Variants in COL22A1 observed in about 807,000 individuals in gnomAD.
The protein encoded by COL22A1 is collagen type XXII alpha 1 chain, also known as collagen alpha-1(XXII) chain.
COL22A1 carries 221 observed loss-of-function variants against 248.9 expected under a neutral mutation model. The observed-to-expected ratio is 0.89, with a 90% confidence interval of 0.80 to 0.99. COL22A1 has a LOEUF of 0.99. COL22A1 is among the 50% of genes least tolerant of loss of function. The pLI, the probability that COL22A1 is intolerant of heterozygous loss-of-function variation, is 0.00. For synonymous variants in COL22A1, 891 were observed against 793.4 expected (o/e 1.12, Z -2.07); for missense variants, 2,240 against 2,179.0 (o/e 1.03, Z -0.56).
chr8:138,682,644 G>A (rs1382646747), intron 39 of COL22A1, among the ~76,000 whole-genome samples: 1 of 152,064 alleles, frequency 6.6e-6, no homozygotes, highest in Admixed American at 6.5e-5. Context: ...CCCTGCCAAT[G>A]ACTCCTTCTT....
In COL22A1 at chr8:138,649,775, C is replaced by T. The variant is rs545820703; in HGVS notation, c.3337G>A (p.Val1113Met). Residue 1113 changes from valine (V) to methionine (M), a missense_variant, in exon 46 of 65, where the codon GTG becomes ATG. Val to Met is a conservative substitution (Grantham distance 21, BLOSUM62 1). Transcript: ENST00000303045. ...GGGCCAGGAGGGCAGTCATTGCACA[C>T]ATCCTGAGAGTGGGGAGAGAGGTGG... ...PGDINLLAKD[V>M]CNDCPPGPPG... The T allele has an allele frequency of 3.8e-6, 6 of 1,575,376 alleles. No homozygotes were observed. The South Asian group carries it at 5.8e-5, about 15-fold the overall frequency.
intron 12 of COL22A1, among the ~76,000 whole-genome samples, chr8:138,781,340 C>A (rs1051098803): frequency 1.3e-5 from 2 of 152,044 alleles, no homozygotes; most frequent in Admixed American, 6.6e-5. Context: ...TGGGCTGCAG[C>A]GGGGCTCTCA....
At chr8:138,778,247 A>C in intron 15 of COL22A1, 106 bp downstream of exon 15, 1 of 1,263,938 alleles carries the variant, frequency 7.9e-7, no homozygotes, top group Non-Finnish European at 1.2e-6. Context: ...TCAGTAAGGC[A>C]AAACAGCATT....
chr8:138,677,365 C>G (rs1391314500), intron 40 of COL22A1, among the ~76,000 whole-genome samples: 1 of 152,212 alleles, frequency 6.6e-6, no homozygotes, highest in Non-Finnish European at 1.5e-5. Flanking sequence ...CAGCACAGCA[C>G]TGAACCTGAG....
rs140057024 is a variant in COL22A1, at chr8:138,780,956, G to T, written c.1621C>A (p.Pro541Thr). The T allele has an allele frequency of 5.8e-5, 94 of 1,611,900 alleles. No individual in the cohort carries two copies. The African/African-American group carries it at 9.6e-4, about 16-fold the overall frequency. Residue 541 changes from proline (P) to threonine (T), a missense_variant, in exon 13 of 65, where the codon CCT becomes ACT. Transcript: ENST00000303045. ...EKGSLGLPGP[P>T]GRDGSKGMRG... is the part of the protein sequence containing the mutation. ...ATGCCTTTGCTGCCGTCTCTCCCAG[G>T]GGGGCCGGGCAGGCCCAGGGAACCC...
rs759310495 is a variant in COL22A1 at position 138,755,217 on chromosome 8, A to T, written c.1978-7T>A. On this transcript the variant is annotated splice_polypyrimidine_tract_variant and splice_region_variant and intron_variant, in intron 20 of 64. Coordinates refer to ENST00000303045, the MANE Select transcript of COL22A1 (RefSeq NM_152888.3). ...CTCTGGGTCCTGGAGCTCCCTGGTA[A>T]CACAAGCCAAACAGATGTTTAGTCA... The T allele has an allele frequency of 1.2e-6, 2 of 1,613,782 alleles. No homozygotes were observed. Among genetic ancestry groups the T allele is most frequent in the African/African-American group, 2.7e-5 (2 of 74,902 alleles).
intron 16 of COL22A1, among the ~76,000 whole-genome samples, chr8:138,770,402 G>C (rs34184816): frequency 0.011 from 1,660 of 152,318 alleles, 13 homozygotes; most frequent in Non-Finnish European, 0.017. Flanking sequence ...CATGCCTCCA[G>C]AGCCTTCAGT....
At chr8:138,873,559 A>G (rs2132022717) in intron 3 of COL22A1, among the ~76,000 whole-genome samples, 1 of 152,322 alleles carries the variant, frequency 6.6e-6, no homozygotes, top group East Asian at 1.9e-4. Context: ...GTGTGTGAAG[A>G]CATACACTAG....
intron 3 of COL22A1, among the ~76,000 whole-genome samples, chr8:138,856,163 C>T (rs73368826): frequency 0.017 from 2,629 of 152,312 alleles, 75 homozygotes; most frequent in African/African-American, 0.059. Context: ...ATTCTGCACC[C>T]GCCAGCTGTG....
At chr8:138,846,686 G>C (rs1355402149) in intron 3 of COL22A1, among the ~76,000 whole-genome samples, 1 of 152,156 alleles carries the variant, frequency 6.6e-6, no homozygotes, top group African/African-American at 2.4e-5. Flanking sequence ...GCTCCTCTTA[G>C]CCTATAATTG....
intron 7 of COL22A1, among the ~76,000 whole-genome samples, chr8:138,813,592 T>C (rs1299604613): frequency 1.3e-5 from 2 of 152,084 alleles, no homozygotes; most frequent in Non-Finnish European, 2.9e-5. Context: ...CTTCCTTCCA[T>C]AAGGGAGAGC....
intron 16 of COL22A1, among the ~76,000 whole-genome samples, chr8:138,769,312 A>G (rs1834168611): frequency 6.6e-6 from 1 of 152,216 alleles, no homozygotes; most frequent in Non-Finnish European, 1.5e-5. Context: ...ACGTGGCCTC[A>G]GGAGAGGAAG....
chr8:138,877,692 G>C, intron 3 of COL22A1, 58 bp downstream of exon 3: 5 of 1,483,588 alleles, frequency 3.4e-6, no homozygotes, highest in Non-Finnish European at 4.5e-6. Flanking sequence ...CCCCTCCCGT[G>C]GGCTCAGCAG....
intron 16 of COL22A1, among the ~76,000 whole-genome samples, chr8:138,774,200 A>T (rs919384124): frequency 3.4e-4 from 52 of 152,096 alleles, no homozygotes; most frequent in Non-Finnish European, 6.3e-4. Flanking sequence ...AAACAAACAA[A>T]AATCATGTTT....
intron 7 of COL22A1, 21 bp from the exon 8 acceptor site, chr8:138,813,040 A>G: frequency 6.2e-7 from 1 of 1,604,278 alleles, no homozygotes; most frequent in Non-Finnish European, 8.5e-7. Flanking sequence ...AAGCAAGGAG[A>G]GAGGATAAGT....
chr8:138,727,535 A>G (rs1017763058), intron 23 of COL22A1, among the ~76,000 whole-genome samples: 8 of 152,194 alleles, frequency 5.3e-5, no homozygotes, highest in African/African-American at 1.9e-4. Flanking sequence ...TGCATTCAGA[A>G]AGAACAACAC....
At chr8:138,617,628 G>A (rs1479163513) in intron 53 of COL22A1, among the ~76,000 whole-genome samples, 1 of 152,202 alleles carries the variant, frequency 6.6e-6, no homozygotes, top group Non-Finnish European at 1.5e-5. Context: ...TGGATGTAAA[G>A]CTAAAGCTCA....
At chr8:138,704,176 T>G (rs1828209724) in intron 30 of COL22A1, among the ~76,000 whole-genome samples, 1 of 152,152 alleles carries the variant, frequency 6.6e-6, no homozygotes, top group Non-Finnish European at 1.5e-5. Context: ...CCTGCCTGCC[T>G]CTATAGACTC....
chr8:138,676,569 C>T lies in COL22A1; in HGVS notation c.3139G>A (p.Ala1047Thr), dbSNP rs1476175762. ...GSRGDPGIGV[A>T]GPPGPSGPPG... The stretch of plus-strand genomic sequence containing the variant: ...AAATAAAGACTTACAGGAGGGCCAG[C>T]AACCCCAATGCCTGGGTCACCACGG... Residue 1047 changes from alanine to threonine, a missense_variant, in exon 41 of 65, where the codon GCT becomes ACT. Physicochemically the swap from Ala to Thr is moderately conservative, Grantham distance 58. Coordinates refer to ENST00000303045, the MANE Select transcript of COL22A1 (RefSeq NM_152888.3). 1 of 1,564,318 alleles carries T rather than the reference C, an allele frequency of 6.4e-7. No homozygotes were observed. Among genetic ancestry groups the T allele is most frequent in the East Asian group, 2.3e-5 (1 of 42,796 alleles).
Sources: allele counts gnomAD v4.1 joint callset (sites outside exome capture counted in the v4.1 genomes callset), GRCh38; gene constraint gnomAD v4.1.1; transcripts MANE v1.5; gene names NCBI Gene and HGNC (gene_info 2026-07-23, HGNC 2026-07-21).